Variants in ERP44 observed in about 807,000 individuals in gnomAD.
ERP44 encodes the protein endoplasmic reticulum protein 44.
Under a neutral mutation model 53.4 loss-of-function variants are expected in ERP44, and 25 were observed. That is an observed-to-expected ratio of 0.47 (90% CI 0.34 to 0.65). The LOEUF is 0.65. ERP44 is among the 30% of genes least tolerant of loss of function. ERP44 has a pLI of 0.01. For missense variants in ERP44, 338 were observed against 493.2 expected (o/e 0.69, Z 2.98); for synonymous variants, 145 against 161.2 (o/e 0.90, Z 0.76).
chr9:100,096,841 A>T (rs1826638007), intron 1 of ERP44, among the ~76,000 whole-genome samples: 4 of 152,190 alleles, frequency 2.6e-5, no homozygotes, highest in Admixed American at 2.0e-4. Context: ...ACAAATTATT[A>T]GACAGCGAGA....
intron 10 of ERP44, among the ~76,000 whole-genome samples, chr9:99,995,680 A>G (rs1249371538): frequency 6.6e-6 from 1 of 152,144 alleles, no homozygotes; most frequent in Non-Finnish European, 1.5e-5. Context: ...TAGTTCATTC[A>G]TGTTGTTACA....
chr9:100,007,331 C>T (rs1830433047), intron 9 of ERP44, among the ~76,000 whole-genome samples: 1 of 152,194 alleles, frequency 6.6e-6, no homozygotes, highest in Non-Finnish European at 1.5e-5. Context: ...ATTCATGACC[C>T]TGCTTTTCAT....
chr9:100,055,855 C>T (rs1215290440), intron 3 of ERP44, among the ~76,000 whole-genome samples: 1 of 152,186 alleles, frequency 6.6e-6, no homozygotes, highest in East Asian at 1.9e-4. Context: ...ACCTCTATTA[C>T]AGAATTATTA....
chr9:100,098,944 A>T lies in ERP44; in HGVS notation c.-104T>A. ...GGGCTCCGGGAGCCGACGGCAGCGG[A>T]GGATTCTCCAGGCAGCGGCACCTCG... On this transcript the variant is annotated 5_prime_UTR_variant, in exon 1 of 12. Coordinates refer to ENST00000262455, the MANE Select transcript of ERP44 (RefSeq NM_015051.3). The T allele has an allele frequency of 1.2e-6, 1 of 855,326 alleles. No individual in the cohort carries two copies. Among genetic ancestry groups the T allele is most frequent in the Non-Finnish European group, 1.9e-6 (1 of 524,844 alleles). The allele number at this position is 855,326 out of a possible 1,614,324, so 53.0% of individuals were successfully genotyped here.
chr9:100,091,965 T>TTA (rs143135722), intron 1 of ERP44, among the ~76,000 whole-genome samples: 2,190 of 152,236 alleles, frequency 0.014, 38 homozygotes, highest in African/African-American at 0.05. Context: ...GTCTAATTAT[T>TTA]TATATATATA....
chr9:100,038,130 G>T (rs528950847), intron 4 of ERP44, among the ~76,000 whole-genome samples: 119 of 152,020 alleles, frequency 7.8e-4, no homozygotes, highest in African/African-American at 2.6e-3. Flanking sequence ...TAATGAGAAA[G>T]AAAAAGACGT....
intron 4 of ERP44, among the ~76,000 whole-genome samples, chr9:100,038,057 C>T (rs1825862169): frequency 6.6e-6 from 1 of 152,010 alleles, no homozygotes; most frequent in East Asian, 1.9e-4. Flanking sequence ...CCCACACAAA[C>T]AAAACCTGAG....
chr9:99,984,891 A>G (rs1830180406), intron 11 of ERP44, 76 bp downstream of exon 11: 1 of 801,230 alleles, frequency 1.2e-6, no homozygotes, highest in Admixed American at 2.5e-5. Context: ...CTGATGCAAG[A>G]ACTTCAGACC....
At chr9:100,030,464 G>A (rs1825771326) in intron 4 of ERP44, among the ~76,000 whole-genome samples, 1 of 152,092 alleles carries the variant, frequency 6.6e-6, no homozygotes, top group Non-Finnish European at 1.5e-5. Flanking sequence ...AAAAAGAGTG[G>A]GTTAAAGGCC....
intron 1 of ERP44, among the ~76,000 whole-genome samples, chr9:100,064,322 T>TC (rs1378184106): frequency 6.6e-6 from 1 of 152,126 alleles, no homozygotes; most frequent in African/African-American, 2.4e-5. Flanking sequence ...GATGAATAGG[T>TC]AGATGATGTT....
At chr9:100,019,875 G>C (rs1688837259) in intron 6 of ERP44, among the ~76,000 whole-genome samples, 1 of 152,090 alleles carries the variant, frequency 6.6e-6, no homozygotes, top group African/African-American at 2.4e-5. Flanking sequence ...TTTCATTAGA[G>C]CAATGGAGGT....
At chr9:100,042,479 C>G (rs546132426) in intron 4 of ERP44, among the ~76,000 whole-genome samples, 1 of 152,016 alleles carries the variant, frequency 6.6e-6, no homozygotes, top group Non-Finnish European at 1.5e-5. Context: ...TTAGTACAAT[C>G]GCTATGGAGA....
At chr9:100,023,719 A>G (rs1359776322) in intron 4 of ERP44, among the ~76,000 whole-genome samples, 4 of 152,150 alleles carry the variant, frequency 2.6e-5, no homozygotes, top group South Asian at 2.1e-4. Context: ...AGCTGGGATT[A>G]CAGTTGTGAG....
chr9:99,993,565 G>C (rs1429486037), intron 10 of ERP44, among the ~76,000 whole-genome samples: 1 of 152,152 alleles, frequency 6.6e-6, no homozygotes, highest in African/African-American at 2.4e-5. Flanking sequence ...AACCCTAGAA[G>C]AAAACCTAGG....
chr9:100,025,110 C>A (rs1193768350), intron 4 of ERP44, among the ~76,000 whole-genome samples: 1 of 152,102 alleles, frequency 6.6e-6, no homozygotes, highest in Non-Finnish European at 1.5e-5. Context: ...AATAATCCTA[C>A]AATTATTAAA....
At chr9:100,068,342 GC>G (rs1278326563) in intron 1 of ERP44, among the ~76,000 whole-genome samples, 1 of 121,660 alleles carries the variant, frequency 8.2e-6, no homozygotes, top group African/African-American at 3.4e-5. Flanking sequence ...GGGGGGGTCA[GC>G]CCCCCGCCCG....
chr9:99,982,858 T>C, intron 11 of ERP44, 145 bp from the exon 12 acceptor site: 1 of 451,460 alleles, frequency 2.2e-6, no homozygotes, highest in East Asian at 3.6e-5. Context: ...AAGCAAGATA[T>C]TTAAATGTGA....
At chr9:100,050,259 T>C (rs1271546289) in intron 4 of ERP44, among the ~76,000 whole-genome samples, 1 of 152,084 alleles carries the variant, frequency 6.6e-6, no homozygotes, top group African/African-American at 2.4e-5. Context: ...GATGGTTTCA[T>C]GGATACACAC....
At chr9:100,080,402 G>A (rs1826410134) in intron 1 of ERP44, among the ~76,000 whole-genome samples, 8 of 152,056 alleles carry the variant, frequency 5.3e-5, no homozygotes, top group Admixed American at 5.2e-4. Context: ...AGCTCATCAA[G>A]AACATATCTA....
Sources: gnomAD v4.1 joint callset for allele counts (sites outside exome capture counted in the v4.1 genomes callset) on GRCh38, gnomAD v4.1.1 for gene constraint, MANE v1.5 for transcripts, NCBI Gene and HGNC (gene_info 2026-07-23, HGNC 2026-07-21) for gene names.